Variants in KANSL1L observed in about 807,000 individuals in gnomAD.
KANSL1L encodes the protein KAT8 regulatory NSL complex subunit 1-like protein.
Under a neutral mutation model 108.6 loss-of-function variants are expected in KANSL1L, and 25 were observed. The observed-to-expected ratio is 0.23, with a 90% CI of 0.17 to 0.32. KANSL1L has a LOEUF of 0.32. Among genes scored for constraint, KANSL1L ranks in the 10% least tolerant of loss-of-function variants. KANSL1L has a pLI of 1.00. For missense variants in KANSL1L, 1,137 were observed against 1,125.7 expected (o/e 1.01, Z -0.14); for synonymous variants, 405 against 395.1 (o/e 1.03, Z -0.30).
In KANSL1L at chr2:210,130,422, C is replaced by A. The variant is rs542599653; in HGVS notation, c.1089-1250G>T. 3.9e-5 allele frequency among the ~76,000 whole-genome samples: 6 copies of A among 152,276 alleles called. No homozygotes were observed. The South Asian group carries it at 1.2e-3, about 32-fold the overall frequency. ...AGAGAAAATATTTATTCTAAGAGAT[C>A]ATTTGCTGTCAGATAAACAGAACAC... is the stretch of plus-strand genomic sequence containing the variant. On this transcript the variant is annotated intron_variant, in intron 2 of 14. Coordinates refer to ENST00000281772, the MANE Select transcript of KANSL1L (RefSeq NM_152519.4).
chr2:210,128,472 A>G (rs189685849), intron 3 of KANSL1L, among the ~76,000 whole-genome samples: 362 of 152,336 alleles, frequency 2.4e-3, no homozygotes, highest in African/African-American at 8.2e-3. Context: ...GAAACTTGAG[A>G]ACATTATGCT....
At chr2:210,087,194 T>G (rs534982101) in intron 5 of KANSL1L, among the ~76,000 whole-genome samples, 342 of 152,064 alleles carry the variant, frequency 2.2e-3, no homozygotes, top group African/African-American at 7.7e-3. Flanking sequence ...CTGGCTCACT[T>G]TTTTAATTTT....
At chr2:210,098,454 C>T (rs375137909) in intron 4 of KANSL1L, among the ~76,000 whole-genome samples, 77 of 152,236 alleles carry the variant, frequency 5.1e-4, no homozygotes, top group African/African-American at 1.7e-3. Context: ...CCCATCCCAT[C>T]ATCTAACACA....
intron 3 of KANSL1L, among the ~76,000 whole-genome samples, chr2:210,123,316 T>C (rs1024576565): frequency 6.6e-6 from 1 of 152,134 alleles, no homozygotes; most frequent in African/African-American, 2.4e-5. Flanking sequence ...AAGAAAATGT[T>C]GTACATATAC....
At chr2:210,060,145 T>C (rs1367456083) in intron 6 of KANSL1L, among the ~76,000 whole-genome samples, 2 of 152,232 alleles carry the variant, frequency 1.3e-5, no homozygotes, top group East Asian at 3.8e-4. Context: ...AAAGTTTACA[T>C]ACCTAATCAT....
intron 6 of KANSL1L, among the ~76,000 whole-genome samples, chr2:210,063,253 AGATGTATG>A (rs1223239210): frequency 6.6e-6 from 1 of 152,228 alleles, no homozygotes; most frequent in Non-Finnish European, 1.5e-5. Flanking sequence ...AGATTTCAGA[AGATGTATG>A]GAAACGCCTG....
At chr2:210,057,035 C>T (rs1249510114) in intron 6 of KANSL1L, among the ~76,000 whole-genome samples, 4 of 152,170 alleles carry the variant, frequency 2.6e-5, no homozygotes, top group Non-Finnish European at 5.9e-5. Context: ...GCCCCTATTT[C>T]TCCATCCCTT....
intron 3 of KANSL1L, among the ~76,000 whole-genome samples, chr2:210,120,969 T>C (rs2095013076): frequency 6.6e-6 from 1 of 152,128 alleles, no homozygotes; most frequent in African/African-American, 2.4e-5. Context: ...TCCAGTCAGA[T>C]GGCTACTATT....
At chr2:210,036,366 G>C (rs2094103747) in intron 8 of KANSL1L, among the ~76,000 whole-genome samples, 1 of 151,764 alleles carries the variant, frequency 6.6e-6, no homozygotes, top group African/African-American at 2.4e-5. Context: ...ATTTTTTGTA[G>C]AGACAGGGTT....
intron 2 of KANSL1L, among the ~76,000 whole-genome samples, chr2:210,148,149 T>A (rs1023949695): frequency 7.2e-5 from 11 of 152,184 alleles, no homozygotes; most frequent in African/African-American, 2.7e-4. Context: ...GGATTTTTTT[T>A]CCCCAACATT....
At chr2:210,048,880 C>A (rs887994306) in intron 6 of KANSL1L, among the ~76,000 whole-genome samples, 1 of 152,118 alleles carries the variant, frequency 6.6e-6, no homozygotes, top group Non-Finnish European at 1.5e-5. Context: ...TATTTTAAAA[C>A]CCAATTCTTA....
intron 2 of KANSL1L, among the ~76,000 whole-genome samples, chr2:210,137,327 C>G (rs1165215145): frequency 2.0e-5 from 3 of 152,126 alleles, no homozygotes; most frequent in Non-Finnish European, 2.9e-5. Flanking sequence ...TCAGCTACTG[C>G]TAAGAATTCC....
intron 3 of KANSL1L, among the ~76,000 whole-genome samples, chr2:210,112,565 T>C (rs1312691621): frequency 1.3e-5 from 2 of 152,210 alleles, no homozygotes; most frequent in Middle Eastern, 3.2e-3. Context: ...AGTTTAAGTG[T>C]CCAGAGACCC....
intron 6 of KANSL1L, among the ~76,000 whole-genome samples, chr2:210,066,000 G>A (rs953199091): frequency 6.6e-6 from 1 of 152,182 alleles, no homozygotes; most frequent in Non-Finnish European, 1.5e-5. Context: ...TTTTACATAT[G>A]AAAGAGGGAA....
rs760384571 is a variant in KANSL1L at position 210,040,413 on chromosome 2, G to C, written c.2029+7C>G. On this transcript the variant is annotated splice_region_variant and intron_variant, in intron 8 of 14. Transcript: ENST00000281772. ...TATAGAGTACAAGAACTGTAAATGTGACATACCAGGTGATGGAGATATGAT... is the reference window on the plus strand; with the variant it reads ...TATAGAGTACAAGAACTGTAAATGTCACATACCAGGTGATGGAGATATGAT... The C allele has an allele frequency of 4.6e-5, 58 of 1,251,778 alleles. 2 individuals carry two copies. In the South Asian group the frequency reaches 6.6e-4, roughly 14 times the overall value. 77.5% of individuals were successfully genotyped at this position (1,251,778 alleles called of 1,614,324 possible).
At chr2:210,074,335 C>T (rs959642184) in intron 6 of KANSL1L, among the ~76,000 whole-genome samples, 3 of 152,008 alleles carry the variant, frequency 2.0e-5, no homozygotes, top group African/African-American at 7.3e-5. Flanking sequence ...CCTTATAAAC[C>T]CTGAAATATA....
At chr2:210,172,088 A>C (rs955700454), upstream of KANSL1L, among the ~76,000 whole-genome samples, 2 of 152,154 alleles carry the variant, frequency 1.3e-5, no homozygotes, top group African/African-American at 2.4e-5. Flanking sequence ...AACGCTGTCA[A>C]ATAAACAAAC....
chr2:210,116,542 A>G (rs560582515), intron 3 of KANSL1L, among the ~76,000 whole-genome samples: 6 of 152,256 alleles, frequency 3.9e-5, no homozygotes, highest in Non-Finnish European at 7.4e-5. Flanking sequence ...CTCAGTACAG[A>G]GGGTGAGACT....
intron 6 of KANSL1L, among the ~76,000 whole-genome samples, chr2:210,075,250 C>A (rs111819349): frequency 2.3e-4 from 35 of 152,052 alleles, no homozygotes; most frequent in African/African-American, 8.2e-4. Flanking sequence ...TTTGACAGTA[C>A]ATTTTAAAAA....
Sources: allele counts gnomAD v4.1 joint callset (sites outside exome capture counted in the v4.1 genomes callset), GRCh38; gene constraint gnomAD v4.1.1; transcripts MANE v1.5; gene names NCBI Gene and HGNC (gene_info 2026-07-23, HGNC 2026-07-21).